The following ADGRG6 variants were observed in gnomAD, a reference collection of about 807,000 sequenced individuals.
The protein encoded by ADGRG6 is adhesion G protein-coupled receptor G6, also known as G-protein coupled receptor 126.
ADGRG6 carries 84 observed loss-of-function variants against 142.4 expected under a neutral mutation model. That is an observed-to-expected ratio of 0.59 (90% CI 0.49 to 0.71). ADGRG6 has a LOEUF of 0.71. Among genes scored for constraint, ADGRG6 ranks in the 30% least tolerant of loss-of-function variants. The pLI, the probability that ADGRG6 is intolerant of heterozygous loss-of-function variation, is 0.00. For missense variants in ADGRG6, 1,367 were observed against 1,466.6 expected, an observed-to-expected ratio of 0.93 and a Z score of 1.11; for synonymous variants, 521 against 520.5, an observed-to-expected ratio of 1.00 and a Z score of -0.01.
intron 21 of ADGRG6, among the ~76,000 whole-genome samples, chr6:142,418,866 G>A (rs370862972): frequency 7.9e-5 from 12 of 152,024 alleles, no homozygotes; most frequent in East Asian, 1.9e-4. Context: ...TTCCTATAGC[G>A]TCGATTAGGC....
In ADGRG6 at chr6:142,416,418, G is replaced by A. The variant is rs548402581; in HGVS notation, c.2938+354G>A. Among the ~76,000 whole-genome samples, 8 of 152,276 alleles carry A rather than the reference G, an allele frequency of 5.3e-5. No homozygotes were observed. In the South Asian group the frequency reaches 1.7e-3, roughly 32 times the overall value. On this transcript the variant is annotated intron_variant, in intron 20 of 24. Transcript: ENST00000367609. ...TAAAATACAAAGGCCAGCTCAGACGGCTAGTTACACTCATCCCCAGACACA... is the reference window on the plus strand; with the variant it reads ...TAAAATACAAAGGCCAGCTCAGACGACTAGTTACACTCATCCCCAGACACA...
At chr6:142,387,118 A>C (rs1362536219) in intron 6 of ADGRG6, among the ~76,000 whole-genome samples, 1 of 152,230 alleles carries the variant, frequency 6.6e-6, no homozygotes, top group East Asian at 1.9e-4. Flanking sequence ...TTTCACAAAC[A>C]GATATTTCAG....
chr6:142,379,075 T>C (rs1486862928), intron 4 of ADGRG6, among the ~76,000 whole-genome samples: 1 of 152,196 alleles, frequency 6.6e-6, no homozygotes, highest in Non-Finnish European at 1.5e-5. Context: ...AAAAACACTT[T>C]TGCGTCTAGG....
At chr6:142,318,006 A>ATTTATGTTATATATATTATATATAATAT (rs1562306660) in intron 2 of ADGRG6, among the ~76,000 whole-genome samples, 24 of 43,696 alleles carry the variant, frequency 5.5e-4, no homozygotes, top group Non-Finnish European at 8.5e-4. Flanking sequence ...TATTATATAT[A>ATTTATGTTATATATATTATATATAATAT]ATATTTATGT....
chr6:142,404,314 C>T (rs570003482), intron 14 of ADGRG6: 4 of 251,524 alleles, frequency 1.6e-5, no homozygotes, highest in Non-Finnish European at 3.0e-5. Context: ...GGTGCATTCT[C>T]TTTGCCAGTG....
rs866057101 is a variant in ADGRG6 at position 142,426,425 on chromosome 6, G to A, written c.3319+6321G>A. 2.6e-5 allele frequency among the ~76,000 whole-genome samples: 4 copies of A among 152,174 alleles called. No homozygotes were observed. The South Asian group carries it at 8.3e-4, about 31-fold the overall frequency. On this transcript the variant is annotated intron_variant, in intron 22 of 24. Transcript: ENST00000367609. The stretch of plus-strand genomic sequence containing the variant: ...CTTCGACTCCATATCTCACATCTGG[G>A]TCACACTGATGCAAGAGGTGGGTTC...
intron 22 of ADGRG6, among the ~76,000 whole-genome samples, chr6:142,431,795 C>G (rs934549554): frequency 6.6e-6 from 1 of 151,946 alleles, no homozygotes; most frequent in African/African-American, 2.4e-5. Flanking sequence ...TGGTGGCATG[C>G]GCCTGTAATC....
intron 14 of ADGRG6, 139 bp from the exon 15 acceptor site, chr6:142,405,549 T>C: frequency 1.4e-6 from 1 of 706,562 alleles, no homozygotes; most frequent in Middle Eastern, 2.5e-4. Context: ...TTGCAGTGAC[T>C]ACTGTAGATA....
chr6:142,437,537 TAA>T lies in ADGRG6; in HGVS notation c.3421+4_3421+5del. On this transcript the variant is annotated splice_donor_region_variant and intron_variant, in intron 23 of 24. Transcript: ENST00000367609. ...GATTTCGGTTAGCAGATAACTCAGGTAAAGAGTTGTTGATTAAATTTTACATC... is the reference window on the plus strand; with the variant it reads ...GATTTCGGTTAGCAGATAACTCAGGTAGAGTTGTTGATTAAATTTTACATC... 7.4e-7 allele frequency: 1 copy of T among 1,351,624 alleles called. No homozygotes were observed. Among genetic ancestry groups the T allele is most frequent in the African/African-American group, 1.4e-5 (1 of 69,988 alleles). 83.7% of individuals were successfully genotyped at this position (1,351,624 alleles called of 1,614,324 possible). A position where few individuals can be genotyped will look rare whatever the true frequency, so the allele number is the denominator to read the frequency against.
At chr6:142,412,136 C>T (rs1200463375) in intron 18 of ADGRG6, among the ~76,000 whole-genome samples, 1 of 152,178 alleles carries the variant, frequency 6.6e-6, no homozygotes, top group African/African-American at 2.4e-5. Flanking sequence ...ACGCACCACG[C>T]ATCCAGCGAC....
chr6:142,378,255 C>G (rs907797185), intron 4 of ADGRG6, among the ~76,000 whole-genome samples: 1 of 152,184 alleles, frequency 6.6e-6, no homozygotes, highest in Admixed American at 6.5e-5. Context: ...TGCTTTCCCA[C>G]AACACTGAGC....
chr6:142,356,234 AAGG>A, intron 2 of ADGRG6, among the ~76,000 whole-genome samples: 1 of 152,314 alleles, frequency 6.6e-6, no homozygotes, highest in East Asian at 1.9e-4. Context: ...ATTAAGTAGA[AAGG>A]AGGTGATTTT....
intron 2 of ADGRG6, among the ~76,000 whole-genome samples, chr6:142,323,134 GC>G (rs1778598803): frequency 8.0e-6 from 1 of 124,972 alleles, no homozygotes; most frequent in African/African-American, 3.1e-5. Flanking sequence ...TTTTTTTTTT[GC>G]CTATGAAGAC....
At chr6:142,388,287 A>G (rs946187826) in intron 6 of ADGRG6, among the ~76,000 whole-genome samples, 1 of 152,188 alleles carries the variant, frequency 6.6e-6, no homozygotes, top group Non-Finnish European at 1.5e-5. Flanking sequence ...TAAAGAAAAC[A>G]TCTTAAATAT....
At position 142,361,730 on chromosome 6, in the gene ADGRG6, A is replaced by C. The variant is rs180937997; in HGVS notation, c.104-5839A>C. On this transcript the variant is annotated intron_variant, in intron 2 of 24. Transcript: ENST00000367609. ...AGGAAGAGAATAAGGAACTTGAATGAATATGTTAACCAGGAGGTAGATTTG... is the reference window on the plus strand; with the variant it reads ...AGGAAGAGAATAAGGAACTTGAATGCATATGTTAACCAGGAGGTAGATTTG... 9.2e-5 allele frequency among the ~76,000 whole-genome samples: 14 copies of C among 152,266 alleles called. No homozygotes were observed. The East Asian group carries it at 1.2e-3, about 13-fold the overall frequency.
chr6:142,431,927 CAAAA>C (rs974129859), intron 22 of ADGRG6, among the ~76,000 whole-genome samples: 85 of 151,864 alleles, frequency 5.6e-4, no homozygotes, highest in Admixed American at 5.3e-3. Flanking sequence ...CATCTCGAAA[CAAAA>C]GAAAGAAGCA....
chr6:142,391,764 C>A (rs1583080237), intron 7 of ADGRG6, among the ~76,000 whole-genome samples: 1 of 151,594 alleles, frequency 6.6e-6, no homozygotes, highest in East Asian at 1.9e-4. Context: ...TCTGTGTATC[C>A]CATTTTCTTT....
chr6:142,318,094 A>ATATGTATTTATATATAT (rs1562306965), intron 2 of ADGRG6, among the ~76,000 whole-genome samples: 3 of 774 alleles, frequency 3.9e-3, no homozygotes, highest in African/African-American at 9.4e-3. Context: ...TATTTATATT[A>ATATGTATTTATATATAT]TATATATTTA....
chr6:142,326,871 A>G (rs1778804727), intron 2 of ADGRG6, among the ~76,000 whole-genome samples: 1 of 152,024 alleles, frequency 6.6e-6, no homozygotes, highest in Non-Finnish European at 1.5e-5. Context: ...TTATATTTGC[A>G]TACATTTGCT....
Sources: gnomAD v4.1 joint callset for allele counts (sites outside exome capture counted in the v4.1 genomes callset) on GRCh38, gnomAD v4.1.1 for gene constraint, MANE v1.5 for transcripts, NCBI Gene and HGNC (gene_info 2026-07-23, HGNC 2026-07-21) for gene names.